Variants in ANK3 observed in about 807,000 individuals in gnomAD.
ANK3 encodes the protein ankyrin-3.
In ANK3, 57 loss-of-function variants were observed where a neutral mutation model predicts 370.9. The ratio of observed to expected loss-of-function variants is 0.15; its 90% CI spans 0.12 to 0.19. The LOEUF (loss-of-function observed/expected upper bound fraction) is 0.19, where lower values mean the gene tolerates loss of function less well. Among genes scored for constraint, ANK3 ranks in the 10% least tolerant of loss-of-function variants. ANK3 has a pLI of 1.00. For missense variants in ANK3, 4,439 were observed against 5,302.1 expected (o/e 0.84, Z 5.06); for synonymous variants, 1,929 against 1,946.3 (o/e 0.99, Z 0.23).
At chr10:60,226,314 A>ATAG (rs2097140889) in intron 8 of ANK3, among the ~76,000 whole-genome samples, 4 of 108,908 alleles carry the variant, frequency 3.7e-5, no homozygotes, top group East Asian at 5.9e-4. Context: ...GTAATACTAT[A>ATAG]TATACTATGT....
rs117871058 is a variant in ANK3, at chr10:60,309,267, A to T, written c.115-29628T>A. On this transcript the variant is annotated intron_variant, in intron 1 of 43. Transcript: ENST00000280772. ...TTGACGATCAAACTGTGCTCAGTGTAGCCTGAAGAAACACAATGATGAGAT... is the reference window on the plus strand; with the variant it reads ...TTGACGATCAAACTGTGCTCAGTGTTGCCTGAAGAAACACAATGATGAGAT... Among the ~76,000 whole-genome samples the T allele has an allele frequency of 2.5e-3, 378 of 152,358 alleles. 2 individuals carry two copies. Among genetic ancestry groups the T allele is most frequent in the Middle Eastern group, 0.021 (6 of 292 alleles).
At chr10:60,352,182 C>A (rs998866417) in intron 1 of ANK3, among the ~76,000 whole-genome samples, 1 of 152,098 alleles carries the variant, frequency 6.6e-6, no homozygotes, top group East Asian at 1.9e-4. Context: ...GCAAGTCCAG[C>A]TACTCAGGAG....
At chr10:60,541,903 T>C (rs533230111) in intron 2 of ANK3, among the ~76,000 whole-genome samples, 1 of 152,064 alleles carries the variant, frequency 6.6e-6, no homozygotes, top group South Asian at 2.1e-4. Flanking sequence ...ATGATCCTTT[T>C]ATTTTGGTAC....
chr10:60,364,358 T>C (rs1362343448), intron 1 of ANK3, among the ~76,000 whole-genome samples: 2 of 151,236 alleles, frequency 1.3e-5, no homozygotes, highest in Admixed American at 1.3e-4. Flanking sequence ...TAAAGAGGTA[T>C]CTCAAGAGAA....
At chr10:60,421,583 G>T (rs2063780267) in intron 2 of ANK3, among the ~76,000 whole-genome samples, 2 of 151,920 alleles carry the variant, frequency 1.3e-5, no homozygotes, top group South Asian at 4.2e-4. Flanking sequence ...GAAGGTACTG[G>T]AGGTAGATAG....
chr10:60,069,494 G>A lies in ANK3; in HGVS notation c.11387C>T (p.Thr3796Ile). 6.2e-7 allele frequency: 1 copy of A among 1,613,936 alleles called. No individual in the cohort carries two copies. The change falls in exon 37 of 44, where the codon ACT becomes ATT. Residue 3796 changes from threonine to isoleucine, a missense_variant. Thr to Ile is a moderately conservative substitution (Grantham distance 89, BLOSUM62 -1). Around this residue, in one of 13 missense-constraint regions of ANK3, gnomAD observed 496 missense variants for 529.3 expected, o/e 0.94. Transcript: ENST00000280772. ...ACTCATAATGTTATCTGTCTGTATA[G>A]TGGAAGAATCCAAATTGTTGTTGTT... ...FNNNNNLDSS[T>I]IQTDNIMSNI...
At chr10:60,629,110 A>C (rs1474165111) in intron 1 of ANK3, among the ~76,000 whole-genome samples, 1 of 152,186 alleles carries the variant, frequency 6.6e-6, no homozygotes, top group Non-Finnish European at 1.5e-5. Flanking sequence ...AGACAAAAAA[A>C]AATACTCTTC....
rs560271544 is a variant in ANK3, at chr10:60,494,226, G to A, written c.96+120960C>T. 2.6e-5 allele frequency among the ~76,000 whole-genome samples: 4 copies of A among 152,142 alleles called. No homozygotes were observed. The South Asian group carries it at 6.2e-4, about 24-fold the overall frequency. The stretch of plus-strand genomic sequence containing the variant: ...GTCAAGATTTCTATTACTTGAAGTG[G>A]AAAACATGCTGATAGAAAAAAAATG... On this transcript the variant is annotated intron_variant, in intron 2 of 43. Coordinates refer to the ANK3 transcript ENST00000373827.
intron 1 of ANK3, among the ~76,000 whole-genome samples, chr10:60,687,096 T>C (rs1282912278): frequency 6.6e-6 from 1 of 152,206 alleles, no homozygotes; most frequent in East Asian, 1.9e-4. Context: ...TGTAGTAAAC[T>C]ATATCATCTA....
intron 1 of ANK3, among the ~76,000 whole-genome samples, chr10:60,645,037 T>C (rs1254416296): frequency 5.9e-5 from 9 of 152,124 alleles, no homozygotes; most frequent in South Asian, 4.1e-4. Flanking sequence ...TATGAGGCTT[T>C]TATACAAATA....
At chr10:60,122,950 T>G (rs980580819) in intron 25 of ANK3, among the ~76,000 whole-genome samples, 11 of 152,208 alleles carry the variant, frequency 7.2e-5, no homozygotes, top group Non-Finnish European at 1.2e-4. Context: ...CATTCCTTTG[T>G]TAACAGCACT....
intron 2 of ANK3, among the ~76,000 whole-genome samples, chr10:60,473,917 G>T: frequency 6.9e-6 from 1 of 145,062 alleles, no homozygotes; most frequent in South Asian, 2.2e-4. Flanking sequence ...ATTGCTTGAA[G>T]CCAGGAGTTC....
intron 1 of ANK3, among the ~76,000 whole-genome samples, chr10:60,619,602 C>T (rs1395344694): frequency 6.6e-6 from 1 of 152,152 alleles, no homozygotes; most frequent in Non-Finnish European, 1.5e-5. Flanking sequence ...AATCATGTGC[C>T]TAGGGCTCTC....
At chr10:60,680,108 C>T (rs2133389754) in intron 1 of ANK3, among the ~76,000 whole-genome samples, 1 of 133,320 alleles carries the variant, frequency 7.5e-6, no homozygotes, top group Non-Finnish European at 1.5e-5. Flanking sequence ...GCATTACAGC[C>T]TGGGAGACAT....
At chr10:60,590,611 A>G (rs2133291677) in intron 2 of ANK3, among the ~76,000 whole-genome samples, 1 of 152,348 alleles carries the variant, frequency 6.6e-6, no homozygotes, top group Non-Finnish European at 1.5e-5. Flanking sequence ...TAACATCATA[A>G]GTATAGTTCA....
upstream of ANK3, among the ~76,000 whole-genome samples, chr10:60,391,073 C>T (rs1250086245): frequency 2.0e-5 from 3 of 152,212 alleles, no homozygotes; most frequent in Non-Finnish European, 2.9e-5. Flanking sequence ...GGTCTTTCCT[C>T]TTTTCCTCTT....
At chr10:60,559,825 A>G (rs2133246611) in intron 2 of ANK3, among the ~76,000 whole-genome samples, 2 of 152,280 alleles carry the variant, frequency 1.3e-5, no homozygotes, top group Middle Eastern at 6.8e-3. Context: ...CAGTACATCA[A>G]TTATCTAAAA....
chr10:60,504,692 A>T (rs1395615325), intron 2 of ANK3, among the ~76,000 whole-genome samples: 1 of 152,212 alleles, frequency 6.6e-6, no homozygotes, highest in Non-Finnish European at 1.5e-5. Context: ...TGGGGGATGG[A>T]GGAACAAATT....
At chr10:60,682,064 T>C (rs1326672703) in intron 1 of ANK3, among the ~76,000 whole-genome samples, 1 of 152,168 alleles carries the variant, frequency 6.6e-6, no homozygotes, top group East Asian at 1.9e-4. Context: ...AGAGGACTGC[T>C]TGAGCCCAGA....
Sources: gnomAD v4.1 joint callset for allele counts (sites outside exome capture counted in the v4.1 genomes callset) on GRCh38, gnomAD v4.1.1 for gene constraint, gnomAD v4.1.1 regional missense constraint, MANE v1.5 for transcripts, NCBI Gene and HGNC (gene_info 2026-07-23, HGNC 2026-07-21) for gene names.